The following USH2A variants were observed in gnomAD, a reference collection of about 807,000 sequenced individuals.
USH2A encodes the protein Usher syndrome 2A (autosomal recessive, mild).
A neutral mutation model predicts 538.9 loss-of-function variants in USH2A; 443 were observed. That is an observed-to-expected ratio of 0.82 (90% CI 0.76 to 0.89). The LOEUF (loss-of-function observed/expected upper bound fraction) is 0.89. Ranked by LOEUF, USH2A falls within the 40% of genes least tolerant of loss-of-function variation. The pLI is 0.00. For missense variants in USH2A, 6,633 were observed against 6,324.8 expected (o/e 1.05, Z -1.65); for synonymous variants, 2,413 against 2,273.5 (o/e 1.06, Z -1.75).
intron 38 of USH2A, among the ~76,000 whole-genome samples, chr1:215,917,714 T>A (rs1429736289): frequency 7.3e-6 from 1 of 136,688 alleles, no homozygotes; most frequent in Non-Finnish European, 1.5e-5. Flanking sequence ...GAGGCTGAGA[T>A]GGGCAGATTG....
At chr1:215,777,894 CA>C (rs1202814435) in intron 55 of USH2A, among the ~76,000 whole-genome samples, 3 of 152,074 alleles carry the variant, frequency 2.0e-5, no homozygotes, top group Non-Finnish European at 4.4e-5. Context: ...AGTCAAAATG[CA>C]AACGTTTCTT....
intron 61 of USH2A, among the ~76,000 whole-genome samples, chr1:215,703,862 G>GA (rs55982293): frequency 0.44 from 66,268 of 150,740 alleles, 14,789 homozygotes; most frequent in Middle Eastern, 0.57. Context: ...CTGGGGTATG[G>GA]AAAAAAAAAC....
At position 216,412,240 on chromosome 1, in the gene USH2A, G is replaced by C. The variant is rs542479722; in HGVS notation, c.651+6274C>G. Among the ~76,000 whole-genome samples the C allele has an allele frequency of 3.3e-5, 5 of 152,192 alleles. No homozygotes were observed. In the South Asian group the frequency reaches 1.0e-3, roughly 32 times the overall value. ...GCACAATTTTTTACTAAAAGGTCAAGAATTAAAGCCTTGCCTTCTGCTTAA... is the reference window on the plus strand; with the variant it reads ...GCACAATTTTTTACTAAAAGGTCAACAATTAAAGCCTTGCCTTCTGCTTAA... On this transcript the variant is annotated intron_variant, in intron 3 of 71. Coordinates refer to ENST00000307340, the MANE Select transcript of USH2A (RefSeq NM_206933.4).
At chr1:216,394,402 C>G (rs190290791) in intron 3 of USH2A, among the ~76,000 whole-genome samples, 89 of 152,122 alleles carry the variant, frequency 5.9e-4, no homozygotes, top group African/African-American at 2.0e-3. Context: ...AAGAGTAGCA[C>G]AAAGGAATAT....
chr1:215,887,458 A>G (rs1665089814), intron 41 of USH2A, among the ~76,000 whole-genome samples: 1 of 152,242 alleles, frequency 6.6e-6, no homozygotes, highest in Admixed American at 6.5e-5. Flanking sequence ...TACAATAAAC[A>G]TCGTATATCG....
chr1:215,691,775 G>A (rs1658620260), intron 61 of USH2A, among the ~76,000 whole-genome samples: 1 of 152,106 alleles, frequency 6.6e-6, no homozygotes, highest in Admixed American at 6.6e-5. Flanking sequence ...TAGAGTAAGT[G>A]TTCAAAAGTA....
chr1:215,808,368 C>T (rs1050231250), intron 49 of USH2A, among the ~76,000 whole-genome samples: 1 of 152,090 alleles, frequency 6.6e-6, no homozygotes, highest in Non-Finnish European at 1.5e-5. Flanking sequence ...CCTATTTTGA[C>T]TAGCTGAGTG....
intron 38 of USH2A, among the ~76,000 whole-genome samples, chr1:215,905,113 G>A (rs1179478661): frequency 6.6e-6 from 1 of 152,044 alleles, no homozygotes; most frequent in African/African-American, 2.4e-5. Context: ...GCTCCCTGCA[G>A]ATTTATAAAA....
intron 3 of USH2A, among the ~76,000 whole-genome samples, chr1:216,396,330 G>C (rs1016115096): frequency 7.2e-5 from 11 of 152,040 alleles, no homozygotes; most frequent in Non-Finnish European, 1.5e-4. Context: ...TTCTGATTCT[G>C]CTTGAAATTA....
At chr1:215,907,823 G>T (rs1353673164) in intron 38 of USH2A, among the ~76,000 whole-genome samples, 1 of 151,944 alleles carries the variant, frequency 6.6e-6, no homozygotes, top group Non-Finnish European at 1.5e-5. Flanking sequence ...TATAAAAACT[G>T]GATGAATGGA....
intron 35 of USH2A, among the ~76,000 whole-genome samples, chr1:215,973,940 TCACA>T (rs140368318): frequency 0.018 from 2,643 of 146,384 alleles, 76 homozygotes; most frequent in African/African-American, 0.064. Context: ...ATAGGTGAGA[TCACA>T]CACACACACA....
At chr1:215,928,655 C>A (rs1332511341) in intron 38 of USH2A, among the ~76,000 whole-genome samples, 1 of 152,082 alleles carries the variant, frequency 6.6e-6, no homozygotes, top group Non-Finnish European at 1.5e-5. Context: ...TACACTAGGG[C>A]TTGACTCTTG....
In USH2A at chr1:215,716,043, C is replaced by T. The variant is rs745329273; in HGVS notation, c.12066+11987G>A. On this transcript the variant is annotated intron_variant, in intron 61 of 71. Transcript: ENST00000307340. ...GAGAGTTGAGATTAATAACATGTCA[C>T]GTCCTGTTTTTGGTGAAGGAATTCG... is the stretch of plus-strand genomic sequence containing the variant. Among the ~76,000 whole-genome samples the T allele has an allele frequency of 3.9e-5, 6 of 152,224 alleles. No individual in the cohort carries two copies. The East Asian group carries it at 5.8e-4, about 15-fold the overall frequency.
At chr1:216,173,826 T>C in intron 21 of USH2A, 2 of 401,298 alleles carry the variant, frequency 5.0e-6, no homozygotes, top group Non-Finnish European at 6.8e-6. Context: ...GGATGCTATT[T>C]CTTGGAAGAA....
chr1:216,140,268 A>T (rs1159259301), intron 21 of USH2A, among the ~76,000 whole-genome samples: 1 of 152,168 alleles, frequency 6.6e-6, no homozygotes, highest in Non-Finnish European at 1.5e-5. Flanking sequence ...TTTGTCTCTT[A>T]TGCTTTCCAG....
intron 61 of USH2A, among the ~76,000 whole-genome samples, chr1:215,680,965 C>A (rs746906488): frequency 6.6e-6 from 1 of 151,966 alleles, no homozygotes; most frequent in Non-Finnish European, 1.5e-5. Context: ...GTACAAACAC[C>A]CTTAGAGAAG....
At position 216,247,213 on chromosome 1, in the gene USH2A, A is replaced by T; in HGVS notation, c.2181T>A (p.Asp727Glu). 4.3e-6 allele frequency: 7 copies of T among 1,614,012 alleles called. No individual in the cohort carries two copies. The highest frequency in any genetic ancestry group is 5.9e-6 in the Non-Finnish European group (7 of 1,179,918). Residue 727 changes from aspartate (D) to glutamate (E), a missense_variant, in exon 13 of 72, where the codon GAT (aspartate) becomes GAA (glutamate). Asp to Glu is a conservative substitution (Grantham distance 45, BLOSUM62 2). Transcript: ENST00000307340. ...GAAATTTAAATCCAAAATTGCAATG[A>T]TCACACCTAAGCCCTAAAGATAAAA... ...CKANVIGLRC[D>E]HCNFGFKFLR...
intron 11 of USH2A, among the ~76,000 whole-genome samples, chr1:216,269,089 AT>A (rs1383068922): frequency 8.7e-4 from 133 of 152,114 alleles, no homozygotes; most frequent in South Asian, 2.7e-3. Context: ...CAGAAGAAGA[AT>A]TTAAACCTTA....
intron 6 of USH2A, among the ~76,000 whole-genome samples, chr1:216,325,035 G>A (rs1257503730): frequency 6.6e-6 from 1 of 152,134 alleles, no homozygotes; most frequent in African/African-American, 2.4e-5. Context: ...GAGAAACAAG[G>A]AAGGACACCA....
Sources: allele counts gnomAD v4.1 joint callset (sites outside exome capture counted in the v4.1 genomes callset), GRCh38; gene constraint gnomAD v4.1.1; transcripts MANE v1.5; gene names NCBI Gene and HGNC (gene_info 2026-07-23, HGNC 2026-07-21).